EXOC4: variants seen among roughly 807,000 people sequenced by gnomAD.
EXOC4 encodes the protein SEC8-like 1.
Under a neutral mutation model 107.2 loss-of-function variants are expected in EXOC4, and 71 were observed. The ratio of observed to expected loss-of-function variants is 0.66; its 90% CI spans 0.55 to 0.81. The LOEUF (loss-of-function observed/expected upper bound fraction) is 0.81. EXOC4 is among the 30% of genes least tolerant of loss of function. EXOC4 has a pLI of 0.00. For missense variants in EXOC4, 1,108 were observed against 1,189.6 expected (o/e 0.93, Z 1.01); for synonymous variants, 456 against 441.2 (o/e 1.03, Z -0.42).
the EXOC4 span, among the ~76,000 whole-genome samples, chr7:134,086,775 C>T: frequency 6.6e-6 from 1 of 152,152 alleles, no homozygotes; most frequent in East Asian, 1.9e-4. Context: ...AGAATGGCTA[C>T]TCCATAGACA....
intron 9 of EXOC4, among the ~76,000 whole-genome samples, chr7:133,529,199 C>A (rs1800134813): frequency 6.6e-6 from 1 of 152,158 alleles, no homozygotes; most frequent in Admixed American, 6.5e-5. Flanking sequence ...TTAATCCTTT[C>A]TCCTTCTTCT....
intron 3 of EXOC4, among the ~76,000 whole-genome samples, chr7:133,295,243 A>G (rs1794492026): frequency 6.6e-6 from 1 of 152,094 alleles, no homozygotes; most frequent in South Asian, 2.1e-4. Flanking sequence ...ATGAAAAACC[A>G]GCCCACCTTT....
At chr7:134,057,637 C>T (rs1316269027) in intron 17 of EXOC4, among the ~76,000 whole-genome samples, 1 of 152,044 alleles carries the variant, frequency 6.6e-6, no homozygotes, top group Non-Finnish European at 1.5e-5. Flanking sequence ...TATTATTGGT[C>T]GGAAAGTCCA....
At chr7:133,803,820 A>T (rs1387851815) in intron 10 of EXOC4, among the ~76,000 whole-genome samples, 1 of 152,182 alleles carries the variant, frequency 6.6e-6, no homozygotes, top group African/African-American at 2.4e-5. Context: ...GAAATACTAA[A>T]AGTCTTTAAT....
At chr7:133,531,314 A>G (rs1281624143) in intron 9 of EXOC4, among the ~76,000 whole-genome samples, 1 of 152,120 alleles carries the variant, frequency 6.6e-6, no homozygotes, top group East Asian at 1.9e-4. Flanking sequence ...CTGGTATTGT[A>G]CAGAACCCAA....
intron 7 of EXOC4, among the ~76,000 whole-genome samples, chr7:133,441,544 C>G (rs187374207): frequency 6.6e-6 from 1 of 152,078 alleles, no homozygotes; most frequent in Admixed American, 6.5e-5. Context: ...ATGTGTGCCA[C>G]CATGCCTGGC....
At chr7:133,936,262 G>A (rs757242623) in intron 13 of EXOC4, among the ~76,000 whole-genome samples, 8 of 152,076 alleles carry the variant, frequency 5.3e-5, no homozygotes, top group Non-Finnish European at 8.8e-5. Context: ...GATAACCCTC[G>A]GCTAAAATAA....
intron 12 of EXOC4, among the ~76,000 whole-genome samples, chr7:133,903,373 C>A (rs1799498320): frequency 6.6e-6 from 1 of 152,094 alleles, no homozygotes; most frequent in African/African-American, 2.4e-5. Flanking sequence ...ACAGTGGTAA[C>A]CCAGGTGAGA....
the EXOC4 span, among the ~76,000 whole-genome samples, chr7:134,088,232 C>G: frequency 1.3e-5 from 2 of 152,304 alleles, no homozygotes; most frequent in Non-Finnish European, 2.9e-5. Flanking sequence ...CCATTCCACT[C>G]AAAGCCTTGG....
intron 4 of EXOC4, among the ~76,000 whole-genome samples, chr7:133,311,969 G>A (rs751125582): frequency 3.9e-5 from 6 of 152,168 alleles, no homozygotes; most frequent in East Asian, 1.9e-4. Context: ...GCGGAAATGC[G>A]TAGCTTTCTC....
intron 17 of EXOC4, among the ~76,000 whole-genome samples, chr7:134,048,308 T>A (rs898346352): frequency 6.6e-6 from 1 of 152,240 alleles, no homozygotes; most frequent in Non-Finnish European, 1.5e-5. Flanking sequence ...GGTAATTTTT[T>A]AGTCCTGCAA....
intron 10 of EXOC4, among the ~76,000 whole-genome samples, chr7:133,735,606 C>A (rs780227089): frequency 6.6e-6 from 1 of 152,096 alleles, no homozygotes; most frequent in South Asian, 2.1e-4. Flanking sequence ...TGACTCTATT[C>A]TACTCAAAAA....
rs544009920 is a variant in EXOC4, at chr7:133,584,924, T to A, written c.1418-45121T>A. ...TCAGAGTTCCATATAAGATTTCCAC[T>A]GACAAGAGTTCTGTGAAAAAAAAGT... On this transcript the variant is annotated intron_variant, in intron 9 of 17. Transcript: ENST00000253861. Among the ~76,000 whole-genome samples the A allele has an allele frequency of 4.5e-4, 69 of 152,276 alleles. 4 individuals carry two copies. The South Asian group carries it at 0.012, about 27-fold the overall frequency.
At chr7:133,678,687 TG>T (rs1199870593) in intron 10 of EXOC4, among the ~76,000 whole-genome samples, 1 of 151,964 alleles carries the variant, frequency 6.6e-6, no homozygotes, top group Non-Finnish European at 1.5e-5. Context: ...CACAACTCCC[TG>T]TATCCTCAAC....
chr7:133,980,582 T>C (rs923901721), intron 14 of EXOC4, among the ~76,000 whole-genome samples: 2 of 152,206 alleles, frequency 1.3e-5, no homozygotes, highest in Admixed American at 1.3e-4. Context: ...AAAAGAAGTG[T>C]TGTATGTAAG....
intron 12 of EXOC4, among the ~76,000 whole-genome samples, chr7:133,906,682 C>G (rs10225115): frequency 1.3e-5 from 2 of 151,938 alleles, no homozygotes; most frequent in Admixed American, 6.5e-5. Context: ...AGCTTTCGCT[C>G]GCTGTCCACT....
At chr7:133,966,400 G>C (rs1469692219) in intron 14 of EXOC4, among the ~76,000 whole-genome samples, 1 of 152,136 alleles carries the variant, frequency 6.6e-6, no homozygotes, top group African/African-American at 2.4e-5. Flanking sequence ...TCCTTGTCTT[G>C]TGCCATTTTC....
chr7:133,713,371 T>G (rs191118548), intron 10 of EXOC4, among the ~76,000 whole-genome samples: 20 of 152,242 alleles, frequency 1.3e-4, no homozygotes, highest in East Asian at 7.7e-4. Flanking sequence ...TACCAATTAT[T>G]TTTTTTTCAC....
chr7:134,078,655 A>C, the EXOC4 span, among the ~76,000 whole-genome samples: 1 of 152,304 alleles, frequency 6.6e-6, no homozygotes, highest in Non-Finnish European at 1.5e-5. Flanking sequence ...AGTGGATGTA[A>C]ATGTTAATGG....
Sources: allele counts gnomAD v4.1 joint callset (sites outside exome capture counted in the v4.1 genomes callset), GRCh38; gene constraint gnomAD v4.1.1; transcripts MANE v1.5; gene names NCBI Gene and HGNC (gene_info 2026-07-23, HGNC 2026-07-21).